The following FAM135B variants were observed in gnomAD, a reference collection of about 807,000 sequenced individuals.
FAM135B encodes protein FAM135B.
A neutral mutation model predicts 127.7 loss-of-function variants in FAM135B; 43 were observed. That is an observed-to-expected ratio of 0.34 (90% CI 0.26 to 0.43). FAM135B has a LOEUF of 0.43. Among genes scored for constraint, FAM135B ranks in the 20% least tolerant of loss-of-function variants. The pLI, the probability that FAM135B is intolerant of heterozygous loss-of-function variation, is 1.00. For missense variants in FAM135B, 1,558 were observed against 1,725.6 expected, an observed-to-expected ratio of 0.90 and a Z score of 1.72; for synonymous variants, 670 against 665.1, an observed-to-expected ratio of 1.01 and a Z score of -0.11.
chr8:138,142,288 CTTTTTTTTTTTTT>C (rs71316322), intron 16 of FAM135B, among the ~76,000 whole-genome samples: 13,514 of 63,070 alleles, frequency 0.21, 947 homozygotes, highest in Middle Eastern at 0.41. Flanking sequence ...TCTGCTTCTT[CTTTTTTTTTTTTT>C]TTTTTTTTTT....
intron 11 of FAM135B, among the ~76,000 whole-genome samples, chr8:138,172,211 G>A (rs912811916): frequency 6.6e-6 from 1 of 152,170 alleles, no homozygotes; most frequent in Admixed American, 6.5e-5. Context: ...TAGCACAACT[G>A]GGAGTGAATC....
chr8:138,370,536 C>T (rs1414793916), intron 1 of FAM135B, among the ~76,000 whole-genome samples: 1 of 151,958 alleles, frequency 6.6e-6, no homozygotes, highest in Non-Finnish European at 1.5e-5. Context: ...ACTGCAAGCT[C>T]GCCTCCCCAG....
rs767585944 is a variant in FAM135B, at chr8:138,243,045, G to A, written c.566C>T (p.Ser189Phe). The A allele has an allele frequency of 2.0e-5, 33 of 1,611,848 alleles. No homozygotes were observed. Among genetic ancestry groups the A allele is most frequent in the African/African-American group, 4.0e-5 (3 of 74,766 alleles). Residue 189 changes from serine to phenylalanine, a missense_variant, in exon 7 of 20, where the codon TCC (serine) becomes TTC (phenylalanine). This residue lies in a region of FAM135B where 199 missense variants were observed against 245.7 expected (regional missense o/e 0.81). Transcript: ENST00000395297. The surrounding 1 kb of genome is among the most constrained non-coding windows in gnomAD (Gnocchi z 7.5). ...GTCTGGGCCACCTTTACCAAGCCAG[G>A]AGCCTCTTCCTGGACGAGTAAAACT... ...LISFTRPGRG[S>F]WLGKGGPDTG...
rs1241164952 is a variant in FAM135B, at chr8:138,374,128, T to G, written c.-19-6126A>C. ...TCTTGCAGGGCATCACACAACCTAT[T>G]GACATGTGATGTCTCCCTCGGACGC... is the stretch of plus-strand genomic sequence containing the variant. On this transcript the variant is annotated intron_variant, in intron 1 of 19. Coordinates refer to ENST00000395297, the MANE Select transcript of FAM135B (RefSeq NM_015912.4). 1.3e-5 allele frequency among the ~76,000 whole-genome samples: 2 copies of G among 152,216 alleles called. 1 individual carries two copies. The highest frequency in any genetic ancestry group is 2.9e-5 in the Non-Finnish European group (2 of 68,040).
Position 138,146,033 on chromosome 8 carries a change from G to T in FAM135B, c.3466C>A (p.Arg1156=). Residue 1156 remains arginine, a synonymous_variant, in exon 15 of 20, where the codon CGG becomes AGG. Coordinates refer to ENST00000395297, the MANE Select transcript of FAM135B (RefSeq NM_015912.4). ...AGTTCTATGAAAGTCTTTACCAGCC[G>T]GAGGTCTGCACTGTTCCCTAAAAAT... ...HGLDGNSADL[R]LVKTFIELGL... is the part of the protein sequence containing the mutation. 1 of 1,604,412 alleles carries T rather than the reference G, an allele frequency of 6.2e-7. No homozygotes were observed. The highest frequency in any genetic ancestry group is 8.5e-7 in the Non-Finnish European group (1 of 1,171,282).
At chr8:138,454,126 C>T (rs1387270866) in intron 1 of FAM135B, among the ~76,000 whole-genome samples, 1 of 151,334 alleles carries the variant, frequency 6.6e-6, no homozygotes, top group Admixed American at 6.6e-5. Flanking sequence ...GGTAATTGCA[C>T]AAAAACTCCT....
chr8:138,414,768 A>G (rs188396282), intron 1 of FAM135B, among the ~76,000 whole-genome samples: 60 of 152,228 alleles, frequency 3.9e-4, no homozygotes, highest in Non-Finnish European at 4.9e-4. Flanking sequence ...CCAGTCCCCC[A>G]CTAAGAGGCT....
chr8:138,486,985 C>T (rs1461858640), intron 1 of FAM135B, among the ~76,000 whole-genome samples: 1 of 151,668 alleles, frequency 6.6e-6, no homozygotes, highest in East Asian at 1.9e-4. Flanking sequence ...TTTAATTATA[C>T]TTTAAGTTCT....
chr8:138,205,800 T>C (rs993552358), intron 7 of FAM135B, among the ~76,000 whole-genome samples: 8 of 152,002 alleles, frequency 5.3e-5, no homozygotes, highest in African/African-American at 1.9e-4. Flanking sequence ...ACAGAGTGTA[T>C]CTGAGAATGA....
chr8:138,369,148 G>A (rs112499598), intron 1 of FAM135B, among the ~76,000 whole-genome samples: 4 of 152,258 alleles, frequency 2.6e-5, no homozygotes, highest in African/African-American at 9.6e-5. Context: ...CTCCCGATAG[G>A]ATAAGAGGTA....
chr8:138,311,567 G>T (rs753748484), intron 2 of FAM135B, among the ~76,000 whole-genome samples: 2 of 152,126 alleles, frequency 1.3e-5, no homozygotes, highest in Admixed American at 6.6e-5. Flanking sequence ...ATGACTTTTT[G>T]CTTGTAAGCA....
rs2130690879 is a variant in FAM135B at position 138,148,586 on chromosome 8, G to A, written c.3382C>T (p.Pro1128Ser). ...TCCAAATTTTCTTCCTCTTCCTCTG[G>A]TGGGAAATATGGTATATCAGAAGCT... The part of the protein sequence containing the change: ...VLASDIPYFP[P>S]EEEEENLEDG... Residue 1128 changes from proline (P) to serine (S), a missense_variant, in exon 14 of 20, where the codon CCA (proline) becomes TCA (serine). Physicochemically the swap from Pro to Ser is moderately conservative, Grantham distance 74 (BLOSUM62 -1). Around this residue, in one of 5 missense-constraint regions of FAM135B, gnomAD observed 923 missense variants for 865.3 expected, o/e 1.07. Transcript: ENST00000395297. 2 of 1,613,554 alleles carry A rather than the reference G, an allele frequency of 1.2e-6. No homozygotes were observed. The highest frequency in any genetic ancestry group is 2.2e-5 in the South Asian group (2 of 91,056).
At chr8:138,401,473 G>C (rs7826096) in intron 1 of FAM135B, among the ~76,000 whole-genome samples, 43,159 of 152,070 alleles carry the variant, frequency 0.28, 6,452 homozygotes, top group Non-Finnish European at 0.32. Flanking sequence ...AGGAGGCACA[G>C]GGCACTCACG....
At chr8:138,352,242 A>G (rs1397592158) in intron 2 of FAM135B, among the ~76,000 whole-genome samples, 1 of 152,198 alleles carries the variant, frequency 6.6e-6, no homozygotes, top group African/African-American at 2.4e-5. Flanking sequence ...CATTTTAATA[A>G]TAAGTAGGGG....
At chr8:138,184,891 C>T (rs1490194508) in intron 9 of FAM135B, among the ~76,000 whole-genome samples, 1 of 152,176 alleles carries the variant, frequency 6.6e-6, no homozygotes, top group African/African-American at 2.4e-5. Context: ...AATCAGAATG[C>T]ACATTTTAAC....
intron 1 of FAM135B, among the ~76,000 whole-genome samples, chr8:138,458,378 A>G (rs887313126): frequency 6.6e-6 from 1 of 152,246 alleles, no homozygotes; most frequent in Admixed American, 6.5e-5. Flanking sequence ...TCAAAATGAC[A>G]CATCAGAAGA....
intron 7 of FAM135B, among the ~76,000 whole-genome samples, chr8:138,240,084 A>G (rs1045628325): frequency 6.6e-6 from 1 of 152,172 alleles, no homozygotes; most frequent in East Asian, 1.9e-4. Flanking sequence ...CCAACATGGC[A>G]CATGTATACA....
At position 138,338,158 on chromosome 8, in the gene FAM135B, A is replaced by G. The variant is rs543223713; in HGVS notation, c.78-27238T>C. 2.8e-4 allele frequency among the ~76,000 whole-genome samples: 42 copies of G among 152,316 alleles called. No homozygotes were observed. In the South Asian group the frequency reaches 8.7e-3, roughly 32 times the overall value. ...TTAGACCTGAAACCATAAAAACCCT[A>G]GAAGAAAACCTAGGCAATACCATTC... On this transcript the variant is annotated intron_variant, in intron 2 of 19. Transcript: ENST00000395297.
chr8:138,370,702 G>A (rs561589551), intron 1 of FAM135B, among the ~76,000 whole-genome samples: 4 of 151,990 alleles, frequency 2.6e-5, no homozygotes, highest in South Asian at 4.1e-4. Context: ...TGCCCACCTC[G>A]GCCTCCCAAA....
Sources: allele counts gnomAD v4.1 joint callset (sites outside exome capture counted in the v4.1 genomes callset), GRCh38; gene constraint gnomAD v4.1.1; regional missense constraint gnomAD v4.1.1; non-coding constraint Gnocchi (gnomAD v3.1); transcripts MANE v1.5; gene names NCBI Gene and HGNC (gene_info 2026-07-23, HGNC 2026-07-21).